TM9SF4: variants seen among roughly 807,000 people sequenced by gnomAD.
TM9SF4 encodes the protein dinucleotide oxidase disulfide thiol exchanger 3 superfamily member 4.
Under a neutral mutation model 90.4 loss-of-function variants are expected in TM9SF4, and 26 were observed. That is an observed-to-expected ratio of 0.29 (90% CI 0.21 to 0.40). The LOEUF (loss-of-function observed/expected upper bound fraction) is 0.40, where lower values mean the gene tolerates loss of function less well. Ranked by LOEUF, TM9SF4 falls within the 10% of genes least tolerant of loss-of-function variation. The pLI is 1.00. For synonymous variants in TM9SF4, 293 were observed against 315.4 expected (o/e 0.93, Z 0.75); for missense variants, 549 against 834.8 (o/e 0.66, Z 4.22).
At position 32,165,454 on chromosome 20, in the gene TM9SF4, AC is replaced by A; in HGVS notation, c.*12del. On this transcript the variant is annotated 3_prime_UTR_variant, in exon 18 of 18. Transcript: ENST00000398022. ...TGTGAAGATAGACTGATTGGAGTGG[AC>A]CACGGCCAAGCTTGCTCCGTCCTCG... 5 of 1,613,732 alleles carry A rather than the reference AC, an allele frequency of 3.1e-6. No homozygotes were observed. Among genetic ancestry groups the A allele is most frequent in the Non-Finnish European group, 4.2e-6 (5 of 1,179,730 alleles).
chr20:32,151,667 T>G (rs932901831), intron 12 of TM9SF4, among the ~76,000 whole-genome samples: 5 of 152,106 alleles, frequency 3.3e-5, no homozygotes, highest in African/African-American at 1.2e-4. Flanking sequence ...CCTGAATTGT[T>G]TTTTGTTTTT....
rs1423335239 is a variant in TM9SF4 at position 32,161,933 on chromosome 20, CTG to C, written c.1779+571_1779+572del. Among the ~76,000 whole-genome samples, 3 of 152,314 alleles carry C rather than the reference CTG, an allele frequency of 2.0e-5. No homozygotes were observed. In the East Asian group the frequency reaches 5.8e-4, roughly 29 times the overall value. ...CAGGCACCTCGGAGCCCTCCTAACTCTGTGACCCCACATAGGTAAAGTGTGGC... is the reference window on the plus strand; with the variant it reads ...CAGGCACCTCGGAGCCCTCCTAACTCTGACCCCACATAGGTAAAGTGTGGC... On this transcript the variant is annotated intron_variant, in intron 17 of 17. Coordinates refer to ENST00000398022, the MANE Select transcript of TM9SF4 (RefSeq NM_014742.4).
intron 9 of TM9SF4, among the ~76,000 whole-genome samples, chr20:32,147,109 A>G (rs1385919555): frequency 6.6e-6 from 1 of 151,530 alleles, no homozygotes; most frequent in Non-Finnish European, 1.5e-5. Context: ...CCTCCCGAAT[A>G]GCTGAGACTA....
At chr20:32,123,256 G>A (rs1331461248) in intron 1 of TM9SF4, among the ~76,000 whole-genome samples, 13 of 122,180 alleles carry the variant, frequency 1.1e-4, no homozygotes, top group African/African-American at 3.3e-4. Context: ...TTTTTTCTAC[G>A]TAATAGCTTA....
intron 9 of TM9SF4, 90 bp from the exon 10 acceptor site, chr20:32,149,544 C>T (rs2046811399): frequency 1.3e-6 from 2 of 1,575,712 alleles, no homozygotes; most frequent in African/African-American, 2.7e-5. Flanking sequence ...TGGTTGGCAC[C>T]TGAGGGTGTC....
intron 12 of TM9SF4, 79 bp downstream of exon 12, chr20:32,150,954 G>C: frequency 6.5e-7 from 1 of 1,546,062 alleles, no homozygotes; most frequent in Non-Finnish European, 8.8e-7. Context: ...AGGTAGGCAG[G>C]TCCTGGTGGG....
In TM9SF4 at chr20:32,132,402, AAAAG is replaced by A. The variant is rs368093406; in HGVS notation, c.16-608_16-605del. On this transcript the variant is annotated intron_variant, in intron 1 of 17. Transcript: ENST00000398022. ...CTGGGTAACTCCGTCTCAAAAAAAA[AAAAG>A]AAGAGAGATGTGCCGTGCAGGTGCC... is the stretch of plus-strand genomic sequence containing the variant. 5.4e-3 allele frequency among the ~76,000 whole-genome samples: 815 copies of A among 152,192 alleles called. 1 individual carries two copies. Among genetic ancestry groups the A allele is most frequent in the Middle Eastern group, 0.01 (3 of 294 alleles).
At chr20:32,126,177 T>C (rs191659585) in intron 1 of TM9SF4, among the ~76,000 whole-genome samples, 1 of 151,914 alleles carries the variant, frequency 6.6e-6, no homozygotes, top group East Asian at 1.9e-4. Context: ...CTGAGTCTCC[T>C]CACTGCACTG....
chr20:32,164,729 T>G (rs1015317300), intron 17 of TM9SF4, among the ~76,000 whole-genome samples: 2 of 152,160 alleles, frequency 1.3e-5, no homozygotes, highest in Admixed American at 1.3e-4. Flanking sequence ...GATACCAAGG[T>G]TCCACATTAG....
chr20:32,145,568 G>A (rs1430189052), intron 8 of TM9SF4, 145 bp downstream of exon 8: 6 of 673,838 alleles, frequency 8.9e-6, no homozygotes, highest in African/African-American at 7.2e-5. Flanking sequence ...TAAGCATCAG[G>A]TGTACATAGG....
At chr20:32,153,388 T>C (rs2046870750) in intron 12 of TM9SF4, among the ~76,000 whole-genome samples, 1 of 152,204 alleles carries the variant, frequency 6.6e-6, no homozygotes, top group Admixed American at 6.5e-5. Context: ...GCCTTCGTCA[T>C]TGTGGTTAGT....
intron 1 of TM9SF4, among the ~76,000 whole-genome samples, chr20:32,130,893 G>A (rs144486115): frequency 3.3e-5 from 5 of 152,226 alleles, no homozygotes; most frequent in African/African-American, 4.8e-5. Flanking sequence ...AGCCTTACTC[G>A]CTTATGGTTA....
At chr20:32,110,041 T>C in intron 1 of TM9SF4, 1 of 1,370,948 alleles carries the variant, frequency 7.3e-7, no homozygotes, top group Non-Finnish European at 9.4e-7. Context: ...CCGCCCACTG[T>C]GAGCCCCATT....
chr20:32,150,425 C>A (rs1159672630), intron 10 of TM9SF4, among the ~76,000 whole-genome samples, 197 bp from the exon 11 acceptor site: 1 of 152,232 alleles, frequency 6.6e-6, no homozygotes, highest in South Asian at 2.1e-4. Flanking sequence ...CCCCTCCGAA[C>A]CCCAACTAAG....
chr20:32,110,019 T>C, intron 1 of TM9SF4: 1 of 1,398,216 alleles, frequency 7.2e-7, no homozygotes, highest in African/African-American at 1.4e-5. Flanking sequence ...GTTCCCATTC[T>C]ACTTTTGGTC....
chr20:32,130,389 G>A lies in TM9SF4; in HGVS notation c.16-2624G>A, dbSNP rs544713196. On this transcript the variant is annotated intron_variant, in intron 1 of 17. Coordinates refer to ENST00000398022, the MANE Select transcript of TM9SF4 (RefSeq NM_014742.4). ...GTGGCTGTTTTTGCCAACAGTACAG[G>A]ATTTGCCTTCTTTATATTTTGGTTA... Among the ~76,000 whole-genome samples the A allele has an allele frequency of 9.2e-5, 14 of 152,264 alleles. 1 individual carries two copies. In the South Asian group the frequency reaches 2.5e-3, roughly 27 times the overall value.
chr20:32,130,508 T>C (rs1242724941), intron 1 of TM9SF4, among the ~76,000 whole-genome samples: 1 of 152,170 alleles, frequency 6.6e-6, no homozygotes, highest in African/African-American at 2.4e-5. Context: ...CAATGACACA[T>C]GAGGGTTGGC....
intron 1 of TM9SF4, among the ~76,000 whole-genome samples, chr20:32,131,713 G>C (rs1160809638): frequency 1.3e-5 from 2 of 152,194 alleles, no homozygotes; most frequent in Admixed American, 6.5e-5. Flanking sequence ...GAAGACAAAA[G>C]TTCGTTGTTC....
intron 9 of TM9SF4, among the ~76,000 whole-genome samples, chr20:32,148,860 C>T (rs574936405): frequency 6.6e-5 from 10 of 151,990 alleles, no homozygotes; most frequent in Admixed American, 3.9e-4. Context: ...TTAGTAGAGA[C>T]GGGGTTTCAC....
Sources: gnomAD v4.1 joint callset for allele counts (sites outside exome capture counted in the v4.1 genomes callset) on GRCh38, gnomAD v4.1.1 for gene constraint, MANE v1.5 for transcripts, NCBI Gene and HGNC (gene_info 2026-07-23, HGNC 2026-07-21) for gene names.